Variants in RPE observed in about 807,000 individuals in gnomAD.
RPE encodes the protein ribulose-phosphate 3-epimerase.
In RPE, 16 loss-of-function variants were observed where a neutral mutation model predicts 24.6. The observed-to-expected ratio is 0.65, with a 90% CI of 0.44 to 0.99. The LOEUF (loss-of-function observed/expected upper bound fraction) is 0.99. Among genes scored for constraint, RPE ranks in the 50% least tolerant of loss-of-function variants. The pLI, the probability that RPE is intolerant of heterozygous loss-of-function variation, is 0.00. For synonymous variants in RPE, 93 were observed against 98.4 expected, an observed-to-expected ratio of 0.94 and a Z score of 0.33; for missense variants, 240 against 294.5, an observed-to-expected ratio of 0.81 and a Z score of 1.35.
intron 5 of RPE, chr2:210,017,902 G>A: frequency 1.9e-6 from 1 of 539,620 alleles, no homozygotes; most frequent in Admixed American, 3.3e-5. Flanking sequence ...CTGCCACCAT[G>A]CTTGGCTAAT....
In RPE at chr2:210,002,791, C is replaced by T; in HGVS notation, c.122+8C>T. On this transcript the variant is annotated splice_region_variant and intron_variant, in intron 1 of 5. Transcript: ENST00000359429. ...CCTGGACGTAATGGACGGGTAACTC[C>T]TCCGGGCTCCGGTCGGGCTTGCCGC... The T allele has an allele frequency of 4.3e-6, 7 of 1,614,188 alleles. No individual in the cohort carries two copies. The highest frequency in any genetic ancestry group is 5.9e-6 in the Non-Finnish European group (7 of 1,180,024).
intron 1 of RPE, chr2:210,003,500 A>G (rs16844058): frequency 0.029 from 37,011 of 1,255,428 alleles, 647 homozygotes; most frequent in Middle Eastern, 0.035. Flanking sequence ...TAGTTACAGC[A>G]CATAATATTG....
Position 210,016,042 on chromosome 2 carries a change from A to T in RPE, c.272A>T (p.Tyr91Phe). The change falls in exon 3 of 6, where the codon TAC becomes TTC. Residue 91 changes from tyrosine to phenylalanine, a missense_variant. By Grantham distance (22) the Tyr-to-Phe change is conservative. Transcript: ENST00000359429. ...ATGGCTGTAGCAGGAGCCAATCAGT[A>T]CACCTTTCATCTCGAGGCTACTGAG... ...KPMAVAGANQ[Y>F]TFHLEATENP... The T allele has an allele frequency of 6.2e-7, 1 of 1,614,244 alleles. No individual in the cohort carries two copies. Among genetic ancestry groups the T allele is most frequent in the Non-Finnish European group, 8.5e-7 (1 of 1,180,036 alleles).
rs1415888405 is a variant in RPE at position 210,019,998 on chromosome 2, A to G, written c.*207A>G. The G allele has an allele frequency of 6.2e-6, 3 of 484,330 alleles. No homozygotes were observed. The highest frequency in any genetic ancestry group is 7.6e-5 in the East Asian group (2 of 26,146). The allele number at this position is 484,330 out of a possible 1,614,324, so 30.0% of individuals were successfully genotyped here. A position where few individuals can be genotyped will look rare whatever the true frequency, so the allele number is the denominator to read the frequency against. On this transcript the variant is annotated 3_prime_UTR_variant, in exon 6 of 6. Coordinates refer to ENST00000359429, the MANE Select transcript of RPE (RefSeq NM_199229.3). ...ACATTTTTAGTGATGCAATTTATTG[A>G]TTAGTGAGTAAGATACTGTTTTTAT...
At chr2:210,015,907 G>A (rs2125082750) in intron 2 of RPE, 66 bp from the exon 3 acceptor site, 2 of 1,572,628 alleles carry the variant, frequency 1.3e-6, no homozygotes, top group South Asian at 1.2e-5. Context: ...ACTACATACA[G>A]GTTGGCTTCC....
At chr2:210,018,771 A>G (rs1400023811) in intron 5 of RPE, 7 of 849,944 alleles carry the variant, frequency 8.2e-6, no homozygotes, top group South Asian at 1.1e-4. Flanking sequence ...ACAGCAGGAT[A>G]TGAAGAACTC....
intron 5 of RPE, 50 bp downstream of exon 5, chr2:210,017,609 C>A: frequency 6.5e-7 from 1 of 1,540,540 alleles, no homozygotes; most frequent in South Asian, 1.1e-5. Flanking sequence ...TCAAATATGT[C>A]TCCAGGACAT....
At chr2:210,006,258 G>A (rs139009179) in intron 1 of RPE, among the ~76,000 whole-genome samples, 7 of 152,226 alleles carry the variant, frequency 4.6e-5, no homozygotes, top group East Asian at 3.9e-4. Context: ...TCAGATTCCC[G>A]GTCCTCTTTG....
rs1423247212 is a variant in RPE, at chr2:210,019,883, C to T, written c.*92C>T. 16 of 1,449,514 alleles carry T rather than the reference C, an allele frequency of 1.1e-5. 1 individual carries two copies. The South Asian group carries it at 1.1e-4, about 10-fold the overall frequency. 89.8% of individuals were successfully genotyped at this position (1,449,514 alleles called of 1,614,324 possible). On this transcript the variant is annotated 3_prime_UTR_variant, in exon 6 of 6. Coordinates refer to ENST00000359429, the MANE Select transcript of RPE (RefSeq NM_199229.3). ...TACCAAATCACAATGCAATTGAAGC[C>T]GTACTGCTTTTTTGAGCAGTTATTC...
intron 3 of RPE, 180 bp from the exon 4 acceptor site, chr2:210,016,327 G>A: frequency 1.3e-6 from 2 of 1,584,414 alleles, no homozygotes; most frequent in Non-Finnish European, 1.7e-6. Context: ...TTGTCACATA[G>A]CATTTATGTA....
intron 5 of RPE, 37 bp downstream of exon 5, chr2:210,017,596 C>G: frequency 1.3e-6 from 2 of 1,576,424 alleles, no homozygotes; most frequent in Non-Finnish European, 1.7e-6. Context: ...GACCAATTTC[C>G]CGTCAAATAT....
rs770487094 is a variant in RPE at position 210,015,989 on chromosome 2, G to T, written c.219G>T (p.Val73=). 4 of 1,614,078 alleles carry T rather than the reference G, an allele frequency of 2.5e-6. No homozygotes were observed. In the South Asian group the frequency reaches 3.3e-5, roughly 13 times the overall value. ...TCTTTCTAGACATGCACATGATGGT[G>T]TCCAAGCCAGAACAGTGGGTAAAGC... is the stretch of plus-strand genomic sequence containing the variant. ...QDPFFDMHMM[V]SKPEQWVKPM... is the part of the protein sequence containing the mutation. The change falls in exon 3 of 6, where the codon GTG becomes GTT. Residue 73 remains valine, a synonymous_variant. Transcript: ENST00000359429.
At position 210,019,816 on chromosome 2, in the gene RPE, G is replaced by A. The variant is rs750161404; in HGVS notation, c.*25G>A. 1.9e-6 allele frequency: 3 copies of A among 1,601,966 alleles called. No homozygotes were observed. In the South Asian group the frequency reaches 3.4e-5, roughly 18 times the overall value. ...AAACCATAAGGAGCCCAGTGTTCCT[G>A]TTCATGAAATCTCCCTTTTACTGGA... On this transcript the variant is annotated 3_prime_UTR_variant, in exon 6 of 6. Transcript: ENST00000359429.
chr2:210,016,379 CTTACAT>C, intron 3 of RPE, 122 bp from the exon 4 acceptor site: 1 of 1,562,268 alleles, frequency 6.4e-7, no homozygotes, highest in East Asian at 2.2e-5. Context: ...GTTGAAAATA[CTTACAT>C]TTAATAGTCT....
intron 1 of RPE, among the ~76,000 whole-genome samples, chr2:210,006,965 C>T (rs1296000126): frequency 6.6e-6 from 1 of 152,220 alleles, no homozygotes; most frequent in Non-Finnish European, 1.5e-5. Context: ...TGAATCTCTT[C>T]TCCGCTAGAC....
chr2:210,006,104 ACT>A (rs2093627287), intron 1 of RPE, among the ~76,000 whole-genome samples: 1 of 152,222 alleles, frequency 6.6e-6, no homozygotes, highest in Non-Finnish European at 1.5e-5. Context: ...CACTTAACTA[ACT>A]CCAGGAAATA....
In RPE at chr2:210,021,499, G is replaced by C. The variant is rs2093855166; in HGVS notation, c.*1708G>C. On this transcript the variant is annotated 3_prime_UTR_variant, in exon 6 of 6. Transcript: ENST00000359429. ...ACGTGACAAAGATTTGAGTTTATTT[G>C]CCTGGACAACTTGGGTTTGTCTGGC... 6.6e-6 allele frequency: 1 copy of C among 152,458 alleles called. No homozygotes were observed. The highest frequency in any genetic ancestry group is 6.6e-5 in the Admixed American group (1 of 15,250). The allele number at this position is 152,458 out of a possible 1,614,324, so 9.4% of individuals were successfully genotyped here.
chr2:210,011,511 G>T (rs535987798), intron 2 of RPE, among the ~76,000 whole-genome samples: 38 of 152,060 alleles, frequency 2.5e-4, no homozygotes, highest in African/African-American at 8.2e-4. Flanking sequence ...ATCCTGTGTT[G>T]CTGCCACCAC....
chr2:210,003,271 T>G (rs995550863), intron 1 of RPE, among the ~76,000 whole-genome samples: 3 of 152,316 alleles, frequency 2.0e-5, no homozygotes, highest in Middle Eastern at 3.4e-3. Flanking sequence ...TTCAGTTTCA[T>G]AATTTGAAAA....
Sources: allele counts gnomAD v4.1 joint callset (sites outside exome capture counted in the v4.1 genomes callset), GRCh38; gene constraint gnomAD v4.1.1; transcripts MANE v1.5; gene names NCBI Gene and HGNC (gene_info 2026-07-23, HGNC 2026-07-21).